WDR27: variants seen among roughly 807,000 people sequenced by gnomAD.
The protein encoded by WDR27 is WD repeat-containing protein 27.
In WDR27, 100 loss-of-function variants were observed where a neutral mutation model predicts 114.4. The observed-to-expected ratio is 0.87, with a 90% CI of 0.74 to 1.03. The LOEUF is 1.03. Among genes scored for constraint, WDR27 ranks in the 50% least tolerant of loss-of-function variants. WDR27 has a pLI of 0.00. For missense variants in WDR27, 1,129 were observed against 1,092.9 expected (o/e 1.03, Z -0.47); for synonymous variants, 449 against 423.1 (o/e 1.06, Z -0.75).
At chr6:169,613,855 G>A (rs1811189585) in intron 21 of WDR27, among the ~76,000 whole-genome samples, 199 bp from the exon 22 acceptor site, 1 of 152,170 alleles carries the variant, frequency 6.6e-6, no homozygotes, top group Non-Finnish European at 1.5e-5. Context: ...ACCTAGAGAA[G>A]TATTGATGTA....
intron 25 of WDR27, among the ~76,000 whole-genome samples, chr6:169,466,135 C>T (rs1785552830): frequency 1.3e-5 from 2 of 152,028 alleles, no homozygotes; most frequent in Non-Finnish European, 2.9e-5. Context: ...GGTCTCTTGC[C>T]CCGTTTCTGT....
At chr6:169,521,264 A>T (rs1034115344) in intron 25 of WDR27, among the ~76,000 whole-genome samples, 3 of 152,146 alleles carry the variant, frequency 2.0e-5, no homozygotes, top group African/African-American at 4.8e-5. Context: ...AAAAAAAAAT[A>T]ACTTATATCC....
In WDR27 at chr6:169,692,822, C is replaced by T. The variant is rs78965096; in HGVS notation, c.-7-3810G>A. ...GAGCCCAGATCCACCTAACCCTGCC[C>T]CCATCTGATGGTTTGTCTCTACCCA... On this transcript the variant is annotated intron_variant, in intron 1 of 25. Transcript: ENST00000448612. Among the ~76,000 whole-genome samples the T allele has an allele frequency of 6.7e-3, 1,016 of 152,292 alleles. 22 individuals are homozygous for T. The highest frequency in any genetic ancestry group is 0.024 in the African/African-American group (985 of 41,542).
At chr6:169,567,956 A>G (rs1324747836) in intron 25 of WDR27, among the ~76,000 whole-genome samples, 1 of 152,232 alleles carries the variant, frequency 6.6e-6, no homozygotes, top group Non-Finnish European at 1.5e-5. Context: ...AAGGGCCGCC[A>G]GCTCCAGTGC....
chr6:169,508,691 C>T (rs1792342092), intron 25 of WDR27, among the ~76,000 whole-genome samples: 1 of 151,954 alleles, frequency 6.6e-6, no homozygotes, highest in East Asian at 2.0e-4. Context: ...TAAAACACAT[C>T]AAGAAATATG....
In WDR27 at chr6:169,665,575, G is replaced by A; in HGVS notation, c.713-19C>T. ...GGATATGCTGGTGAAAGGAACATCG[G>A]AAAATTTAGCTTTGTAAGTGCCTGG... On this transcript the variant is annotated intron_variant, in intron 6 of 25. Coordinates refer to ENST00000448612, the MANE Select transcript of WDR27 (RefSeq NM_182552.5). 5 of 1,609,524 alleles carry A rather than the reference G, an allele frequency of 3.1e-6. No individual in the cohort carries two copies. The East Asian group carries it at 8.9e-5, about 29-fold the overall frequency.
chr6:169,462,796 A>G (rs1273138115), intron 25 of WDR27, among the ~76,000 whole-genome samples: 1 of 152,224 alleles, frequency 6.6e-6, no homozygotes, highest in Non-Finnish European at 1.5e-5. Context: ...CCTGGAATCC[A>G]AAGATGGTTC....
At chr6:169,661,024 C>T (rs1033497135) in intron 9 of WDR27, among the ~76,000 whole-genome samples, 2 of 152,048 alleles carry the variant, frequency 1.3e-5, no homozygotes, top group East Asian at 3.9e-4. Flanking sequence ...GCCCCACGTG[C>T]GCCCCCTGGC....
At chr6:169,480,076 C>T (rs1193336878) in intron 25 of WDR27, among the ~76,000 whole-genome samples, 1 of 152,136 alleles carries the variant, frequency 6.6e-6, no homozygotes, top group African/African-American at 2.4e-5. Flanking sequence ...GCATGGCGCT[C>T]GCGGGCCAGC....
intron 23 of WDR27, among the ~76,000 whole-genome samples, chr6:169,584,665 G>C (rs1323958420): frequency 6.6e-6 from 1 of 152,182 alleles, no homozygotes; most frequent in Non-Finnish European, 1.5e-5. Flanking sequence ...GTGATGTGGA[G>C]CACCTTTTCG....
chr6:169,560,752 TA>T (rs1799569401), intron 25 of WDR27, among the ~76,000 whole-genome samples: 1 of 152,218 alleles, frequency 6.6e-6, no homozygotes. Context: ...TAAACTATTG[TA>T]AAAATGTAAA....
At chr6:169,463,483 A>G (rs572493919) in intron 25 of WDR27, among the ~76,000 whole-genome samples, 1 of 152,364 alleles carries the variant, frequency 6.6e-6, no homozygotes, top group Non-Finnish European at 1.5e-5. Flanking sequence ...GATCAGGCAC[A>G]AGGCAAGGAT....
intron 25 of WDR27, among the ~76,000 whole-genome samples, chr6:169,531,375 C>T (rs1174996553): frequency 1.3e-5 from 2 of 152,138 alleles, no homozygotes; most frequent in Non-Finnish European, 2.9e-5. Flanking sequence ...ATCTTAATCC[C>T]GTGGACATTG....
chr6:169,690,855 GGGAGCA>G (rs2128303214), intron 1 of WDR27, among the ~76,000 whole-genome samples: 1 of 152,298 alleles, frequency 6.6e-6, no homozygotes, highest in Non-Finnish European at 1.5e-5. Flanking sequence ...GTGTGCAGGG[GGGAGCA>G]GAATTTCACA....
At chr6:169,427,249 T>C in the WDR27 span, among the ~76,000 whole-genome samples, 2 of 152,096 alleles carry the variant, frequency 1.3e-5, no homozygotes, top group South Asian at 4.1e-4. Context: ...ACCTGCGCTC[T>C]GAAAGAAGGG....
downstream of WDR27, among the ~76,000 whole-genome samples, chr6:169,455,447 ACG>A (rs1784311215): frequency 6.6e-6 from 1 of 152,266 alleles, no homozygotes; most frequent in Non-Finnish European, 1.5e-5. Flanking sequence ...AACCAGTTTT[ACG>A]TTACAACACA....
At chr6:169,433,057 A>C in the WDR27 span, among the ~76,000 whole-genome samples, 1 of 152,124 alleles carries the variant, frequency 6.6e-6, no homozygotes, top group Admixed American at 6.5e-5. Context: ...AGTAAAGGTG[A>C]CTGTTGCTAT....
At chr6:169,665,632 TTA>T in intron 6 of WDR27, 76 bp from the exon 7 acceptor site, 1 of 1,355,726 alleles carries the variant, frequency 7.4e-7, no homozygotes, top group South Asian at 1.3e-5. Context: ...TCAGTTTTAC[TTA>T]TCTCTTTACA....
intron 23 of WDR27, among the ~76,000 whole-genome samples, chr6:169,596,318 A>G (rs1381160470): frequency 6.6e-6 from 1 of 151,542 alleles, no homozygotes; most frequent in African/African-American, 2.4e-5. Context: ...CATTTTCTTT[A>G]TTTACTTCTC....
Sources: allele counts gnomAD v4.1 joint callset (sites outside exome capture counted in the v4.1 genomes callset), GRCh38; gene constraint gnomAD v4.1.1; transcripts MANE v1.5; gene names NCBI Gene and HGNC (gene_info 2026-07-23, HGNC 2026-07-21).